Variants in DDX10 observed in about 807,000 individuals in gnomAD.
DDX10 encodes the protein probable ATP-dependent RNA helicase DDX10.
A neutral mutation model predicts 104.3 loss-of-function variants in DDX10; 74 were observed. The observed-to-expected ratio is 0.71, with a 90% CI of 0.59 to 0.86. The LOEUF (loss-of-function observed/expected upper bound fraction) is 0.86, where lower values mean the gene tolerates loss of function less well. DDX10 is among the 40% of genes least tolerant of loss of function. DDX10 has a pLI of 0.00. For synonymous variants in DDX10, 351 were observed against 353.4 expected (o/e 0.99, Z 0.08); for missense variants, 952 against 1,040.0 (o/e 0.92, Z 1.16).
chr11:108,668,492 A>G (rs1001668863), intron 1 of DDX10, among the ~76,000 whole-genome samples: 2 of 152,218 alleles, frequency 1.3e-5, no homozygotes, highest in African/African-American at 4.8e-5. Flanking sequence ...GGTTAGCAAT[A>G]CTAGGATATA....
rs1217185101 is a variant in DDX10 at position 108,695,773 on chromosome 11, G to GT, written c.1223+2181dup. ...GAGTGTTTAAGTGTTTTTTTTTTTT[G>GT]TTTTTTTTGATTGATTCATGTTTAT... is the stretch of plus-strand genomic sequence containing the variant. On this transcript the variant is annotated intron_variant, in intron 9 of 17. Coordinates refer to ENST00000322536, the MANE Select transcript of DDX10 (RefSeq NM_004398.4). Among the ~76,000 whole-genome samples the GT allele has an allele frequency of 3.9e-4, 52 of 132,064 alleles. 1 individual carries two copies. The highest frequency in any genetic ancestry group is 8.5e-4 in the African/African-American group (30 of 35,144). The allele number at this position is 132,064 out of a possible 152,430, so 86.6% of individuals were successfully genotyped here. A position where few individuals can be genotyped will look rare whatever the true frequency, so the allele number is the denominator to read the frequency against.
intron 13 of DDX10, among the ~76,000 whole-genome samples, chr11:108,799,141 A>G (rs1158631347): frequency 6.6e-6 from 1 of 152,232 alleles, no homozygotes; most frequent in Non-Finnish European, 1.5e-5. Context: ...TCAACCATCC[A>G]AAGAAGTTCT....
chr11:108,823,829 C>T (rs929790846), intron 13 of DDX10, among the ~76,000 whole-genome samples: 1 of 152,210 alleles, frequency 6.6e-6, no homozygotes, highest in African/African-American at 2.4e-5. Context: ...CTGTGGAATT[C>T]TCAGTCAAAT....
intron 13 of DDX10, among the ~76,000 whole-genome samples, chr11:108,833,378 C>T (rs1270362601): frequency 1.3e-5 from 2 of 152,182 alleles, no homozygotes; most frequent in Non-Finnish European, 2.9e-5. Flanking sequence ...GCTGGGAGTC[C>T]ACCCCTCTTG....
At chr11:108,886,016 G>A (rs1863292275) in intron 16 of DDX10, among the ~76,000 whole-genome samples, 1 of 152,126 alleles carries the variant, frequency 6.6e-6, no homozygotes, top group South Asian at 2.1e-4. Flanking sequence ...ACATGTCAAG[G>A]GAAGAAGGCA....
chr11:108,666,547 G>A (rs1044930044), intron 1 of DDX10, among the ~76,000 whole-genome samples: 6 of 152,152 alleles, frequency 3.9e-5, no homozygotes, highest in Non-Finnish European at 7.4e-5. Flanking sequence ...GAGGCCATAC[G>A]TCTGAAATCA....
At chr11:108,884,095 C>T (rs1202988591) in intron 16 of DDX10, among the ~76,000 whole-genome samples, 1 of 152,196 alleles carries the variant, frequency 6.6e-6, no homozygotes, top group Non-Finnish European at 1.5e-5. Flanking sequence ...TGACCTCTCT[C>T]CTGAGCCCCT....
chr11:108,717,259 G>T (rs995619369), intron 11 of DDX10, among the ~76,000 whole-genome samples: 4 of 152,170 alleles, frequency 2.6e-5, no homozygotes, highest in African/African-American at 7.2e-5. Context: ...AATAGTTAGG[G>T]TTTTATGTAA....
chr11:108,713,844 A>G (rs760005561), intron 10 of DDX10, among the ~76,000 whole-genome samples: 8 of 152,152 alleles, frequency 5.3e-5, no homozygotes, highest in Non-Finnish European at 7.4e-5. Flanking sequence ...TAAGACCTAT[A>G]GTAGGTCTCA....
chr11:108,882,967 TC>T (rs1463890950), intron 16 of DDX10, among the ~76,000 whole-genome samples: 1 of 152,204 alleles, frequency 6.6e-6, no homozygotes, highest in African/African-American at 2.4e-5. Flanking sequence ...GTCCATTCGT[TC>T]CTCTTTTTTG....
In DDX10 at chr11:108,892,955, C is replaced by T. The variant is rs545839847; in HGVS notation, c.2305-24918C>T. The stretch of plus-strand genomic sequence containing the variant: ...CCTGCCTCTCCATCTTTCCCTTTGC[C>T]CTGTAAGTTCCAACTCATCCTTAAG... On this transcript the variant is annotated intron_variant, in intron 16 of 17. Transcript: ENST00000322536. Among the ~76,000 whole-genome samples the T allele has an allele frequency of 1.4e-4, 22 of 152,252 alleles. No individual in the cohort carries two copies. The South Asian group carries it at 3.9e-3, about 27-fold the overall frequency.
Position 108,917,925 on chromosome 11 carries a change from A to G in DDX10, c.2357A>G (p.Asp786Gly). ...GATTGGAGTGATGATGATGATGATG[A>G]TGATGATGGATTTGATCCAAGCACA... ...FLDWSDDDDD[D>G]DDGFDPSTLP... The change falls in exon 17 of 18, where the codon GAT becomes GGT. Residue 786 changes from aspartate (D) to glycine (G), a missense_variant. Asp to Gly is a moderately conservative substitution (Grantham distance 94). Coordinates refer to ENST00000322536, the MANE Select transcript of DDX10 (RefSeq NM_004398.4). The G allele has an allele frequency of 6.2e-7, 1 of 1,613,122 alleles. No homozygotes were observed. The highest frequency in any genetic ancestry group is 8.5e-7 in the Non-Finnish European group (1 of 1,179,976).
intron 16 of DDX10, among the ~76,000 whole-genome samples, chr11:108,874,172 T>A (rs1248059198): frequency 2.0e-5 from 3 of 152,310 alleles, no homozygotes; most frequent in African/African-American, 2.4e-5. Context: ...TGACTGGACT[T>A]ACGGGAAAAA....
At chr11:108,710,558 T>C (rs764127150) in intron 10 of DDX10, among the ~76,000 whole-genome samples, 1 of 152,136 alleles carries the variant, frequency 6.6e-6, no homozygotes, top group Non-Finnish European at 1.5e-5. Context: ...GGCAGTAACA[T>C]GCATGGAGCT....
intron 10 of DDX10, among the ~76,000 whole-genome samples, chr11:108,707,689 C>T (rs750358144): frequency 1.3e-5 from 2 of 152,070 alleles, no homozygotes; most frequent in Non-Finnish European, 2.9e-5. Context: ...TAAAGAATGT[C>T]ATTTATAGGT....
At chr11:108,910,805 G>A (rs553972933) in intron 16 of DDX10, among the ~76,000 whole-genome samples, 81 of 144,280 alleles carry the variant, frequency 5.6e-4, no homozygotes, top group African/African-American at 1.9e-3. Flanking sequence ...GTGTGTCTGT[G>A]TCTGTGTGTG....
At chr11:108,861,278 A>G (rs909349097) in intron 16 of DDX10, among the ~76,000 whole-genome samples, 1 of 152,094 alleles carries the variant, frequency 6.6e-6, no homozygotes. Context: ...TGCCTACCAG[A>G]CACCTGATCT....
intron 16 of DDX10, among the ~76,000 whole-genome samples, chr11:108,882,351 C>T (rs899520390): frequency 6.6e-6 from 1 of 152,178 alleles, no homozygotes; most frequent in African/African-American, 2.4e-5. Flanking sequence ...CAGGGCATTC[C>T]ATTCATGTTA....
intron 16 of DDX10, among the ~76,000 whole-genome samples, chr11:108,859,574 A>G (rs1240219621): frequency 6.6e-6 from 1 of 152,242 alleles, no homozygotes; most frequent in African/African-American, 2.4e-5. Flanking sequence ...GAAACAGCCT[A>G]AACAGTAAAT....
Sources: allele counts gnomAD v4.1 joint callset (sites outside exome capture counted in the v4.1 genomes callset), GRCh38; gene constraint gnomAD v4.1.1; transcripts MANE v1.5; gene names NCBI Gene and HGNC (gene_info 2026-07-23, HGNC 2026-07-21).